The following SERINC5 variants were observed in gnomAD, a reference collection of about 807,000 sequenced individuals.
The protein encoded by SERINC5 is serine incorporator 5, also known as chromosome 5 open reading frame 12.
SERINC5 carries 41 observed loss-of-function variants against 63.1 expected under a neutral mutation model. The observed-to-expected ratio is 0.65, with a 90% CI of 0.51 to 0.84. SERINC5 has a LOEUF of 0.84. Among genes scored for constraint, SERINC5 ranks in the 40% least tolerant of loss-of-function variants. The pLI is 0.00. For missense variants in SERINC5, 523 were observed against 573.0 expected (o/e 0.91, Z 0.89); for synonymous variants, 222 against 215.2 (o/e 1.03, Z -0.28).
chr5:80,114,487 C>A, intron 11 of SERINC5: 2 of 196,240 alleles, frequency 1.0e-5, no homozygotes, highest in South Asian at 5.5e-5. Context: ...AACCCCATCA[C>A]CACTAAAAAT....
chr5:80,156,668 G>T (rs1746537973), intron 8 of SERINC5, among the ~76,000 whole-genome samples: 1 of 152,098 alleles, frequency 6.6e-6, no homozygotes, highest in Non-Finnish European at 1.5e-5. Context: ...TATTTAGACA[G>T]ATTTTTTTTT....
Position 80,140,396 on chromosome 5 carries a change from T to G in SERINC5, c.*3267A>C. On this transcript the variant is annotated 3_prime_UTR_variant, in exon 12 of 12. Transcript: ENST00000507668. ...AACATTACACTGAGGTTATTCATAA[T>G]AAAGGATCTTCTGAGGAATCGGAAA... The G allele has an allele frequency of 1.0e-6, 1 of 974,788 alleles. No individual in the cohort carries two copies. The highest frequency in any genetic ancestry group is 1.2e-6 in the Non-Finnish European group (1 of 827,596). The allele number at this position is 974,788 out of a possible 1,614,324, so 60.4% of individuals were successfully genotyped here. A position where few individuals can be genotyped will look rare whatever the true frequency, so the allele number is the denominator to read the frequency against.
chr5:80,142,106 CCTCA>C lies in SERINC5; in HGVS notation c.*1553_*1556del, dbSNP rs1241739782. 3 of 985,294 alleles carry C rather than the reference CCTCA, an allele frequency of 3.0e-6. No individual in the cohort carries two copies. The African/African-American group carries it at 5.2e-5, about 17-fold the overall frequency. 61.0% of individuals were successfully genotyped at this position (985,294 alleles called of 1,614,324 possible). A position where few individuals can be genotyped will look rare whatever the true frequency, so the allele number is the denominator to read the frequency against. On this transcript the variant is annotated 3_prime_UTR_variant, in exon 12 of 12. Transcript: ENST00000507668. ...TAGGCTGAGCCTTTTATTCTTAGAT[CCTCA>C]CTTACAGAGAGCTCGAGAAGATTCT...
At chr5:80,149,233 A>T (rs1362818860) in intron 9 of SERINC5, among the ~76,000 whole-genome samples, 1 of 152,170 alleles carries the variant, frequency 6.6e-6, no homozygotes, top group Admixed American at 6.5e-5. Flanking sequence ...TGAAACCATA[A>T]CCATGCAACC....
intron 11 of SERINC5, among the ~76,000 whole-genome samples, chr5:80,119,566 G>A (rs1205108777): frequency 6.6e-6 from 1 of 152,198 alleles, no homozygotes. Context: ...CCCTCCACAT[G>A]ACGCCATTCC....
At chr5:80,185,708 C>T (rs1329100204) in intron 2 of SERINC5, among the ~76,000 whole-genome samples, 1 of 152,004 alleles carries the variant, frequency 6.6e-6, no homozygotes, top group Non-Finnish European at 1.5e-5. Flanking sequence ...ATGGGAGTCG[C>T]AAGGTGCTCA....
intron 7 of SERINC5, 124 bp downstream of exon 7, chr5:80,166,258 GC>G (rs1747292829): frequency 1.5e-6 from 1 of 670,460 alleles, no homozygotes; most frequent in Non-Finnish European, 2.6e-6. Context: ...ACCCTTCCCA[GC>G]CTCTGGTAAC....
chr5:80,228,052 T>C (rs2112556241), intron 1 of SERINC5, among the ~76,000 whole-genome samples: 1 of 143,208 alleles, frequency 7.0e-6, no homozygotes, highest in Non-Finnish European at 1.5e-5. Context: ...CAAAACCCCA[T>C]CTCTACAAAT....
intron 2 of SERINC5, among the ~76,000 whole-genome samples, chr5:80,178,360 AC>A (rs1391437551): frequency 4.2e-5 from 1 of 24,044 alleles, no homozygotes; most frequent in Non-Finnish European, 8.6e-5. Context: ...CCCCACCCCC[AC>A]CCCACCCCCG....
At chr5:80,255,814 A>G in intron 1 of SERINC5, 82 bp downstream of exon 1, 1 of 1,430,338 alleles carries the variant, frequency 7.0e-7, no homozygotes, top group Non-Finnish European at 9.5e-7. Flanking sequence ...CTGGGAGCGC[A>G]CCCAGGCAGG....
intron 7 of SERINC5, among the ~76,000 whole-genome samples, chr5:80,165,894 T>G (rs1263719052): frequency 6.6e-6 from 1 of 152,240 alleles, no homozygotes; most frequent in Non-Finnish European, 1.5e-5. Context: ...AAAGACTTTT[T>G]CATGAAAAAG....
chr5:80,220,002 G>A (rs1315639820), intron 1 of SERINC5, among the ~76,000 whole-genome samples: 1 of 152,040 alleles, frequency 6.6e-6, no homozygotes, highest in Non-Finnish European at 1.5e-5. Flanking sequence ...GAGGTCAGGA[G>A]TTCAAGACCA....
At chr5:80,246,759 C>G (rs1752188732) in intron 1 of SERINC5, among the ~76,000 whole-genome samples, 2 of 152,168 alleles carry the variant, frequency 1.3e-5, no homozygotes, top group Non-Finnish European at 2.9e-5. Context: ...TATACTGACT[C>G]TCAGATTAAG....
chr5:80,236,172 C>T (rs1751677602), intron 1 of SERINC5, among the ~76,000 whole-genome samples: 1 of 152,134 alleles, frequency 6.6e-6, no homozygotes, highest in East Asian at 1.9e-4. Context: ...CTCCCCAAAA[C>T]TACAACATCT....
chr5:80,153,312 G>T (rs899182828), intron 8 of SERINC5, among the ~76,000 whole-genome samples: 10 of 151,876 alleles, frequency 6.6e-5, no homozygotes, highest in African/African-American at 2.4e-4. Context: ...ATAAAAATTA[G>T]CCGGGCATGG....
At chr5:80,239,853 A>G (rs1751873317) in intron 1 of SERINC5, among the ~76,000 whole-genome samples, 1 of 152,076 alleles carries the variant, frequency 6.6e-6, no homozygotes, top group Admixed American at 6.6e-5. Context: ...TTTGTTTATT[A>G]TGGTACAAGA....
intron 2 of SERINC5, among the ~76,000 whole-genome samples, chr5:80,200,216 G>A (rs1235539989): frequency 2.0e-5 from 3 of 152,052 alleles, no homozygotes; most frequent in Admixed American, 6.5e-5. Flanking sequence ...AGTGGCTCAC[G>A]CCTGTAATCC....
chr5:80,216,930 G>A (rs1023751750), intron 1 of SERINC5, among the ~76,000 whole-genome samples: 2 of 152,004 alleles, frequency 1.3e-5, no homozygotes, highest in East Asian at 1.9e-4. Flanking sequence ...AGGATGGATT[G>A]AGCCCAGAAG....
chr5:80,164,623 A>C (rs1459593153), intron 7 of SERINC5, among the ~76,000 whole-genome samples: 1 of 152,070 alleles, frequency 6.6e-6, no homozygotes, highest in Non-Finnish European at 1.5e-5. Context: ...GGCTCCTGCA[A>C]TCTGCCTGCC....
Sources: gnomAD v4.1 joint callset for allele counts (sites outside exome capture counted in the v4.1 genomes callset) on GRCh38, gnomAD v4.1.1 for gene constraint, MANE v1.5 for transcripts, NCBI Gene and HGNC (gene_info 2026-07-23, HGNC 2026-07-21) for gene names.